FSIP1: variants seen among roughly 807,000 people sequenced by gnomAD.
FSIP1 encodes the protein fibrous sheath interacting protein 1.
FSIP1 carries 65 observed loss-of-function variants against 60.9 expected under a neutral mutation model. That is an observed-to-expected ratio of 1.07 (90% CI 0.87 to 1.31). FSIP1 has a LOEUF of 1.31. FSIP1 is among the 40% of genes most tolerant of loss of function. The pLI is 0.00. For missense variants in FSIP1, 675 were observed against 665.5 expected, an observed-to-expected ratio of 1.01 and a Z score of -0.16; for synonymous variants, 209 against 221.2, an observed-to-expected ratio of 0.94 and a Z score of 0.49.
chr15:39,651,277 T>C (rs1031154903), intron 10 of FSIP1, among the ~76,000 whole-genome samples: 1 of 152,230 alleles, frequency 6.6e-6, no homozygotes, highest in African/African-American at 2.4e-5. Context: ...ATCACAATTC[T>C]AAGACTCTGG....
intron 10 of FSIP1, among the ~76,000 whole-genome samples, chr15:39,706,788 T>C (rs1312048309): frequency 6.6e-6 from 1 of 152,228 alleles, no homozygotes; most frequent in East Asian, 1.9e-4. Context: ...ATTTGGTATA[T>C]GTATATTGTT....
chr15:39,597,473 T>C (rs1219912143), downstream of FSIP1: 1 of 152,118 alleles, frequency 6.6e-6, no homozygotes, highest in African/African-American at 2.4e-5. Context: ...TTATACTTAC[T>C]GTATCCATGC....
chr15:39,712,811 T>A (rs928694630), intron 10 of FSIP1, among the ~76,000 whole-genome samples: 2 of 152,180 alleles, frequency 1.3e-5, no homozygotes, highest in Non-Finnish European at 2.9e-5. Context: ...TGTCTTTATG[T>A]TGAGCAAGAA....
Position 39,770,544 on chromosome 15 carries a change from T to G in FSIP1, c.193A>C (p.Arg65=), listed in dbSNP as rs1566921275. Residue 65 remains arginine (R), a synonymous_variant, in exon 3 of 12, where the codon AGA becomes CGA. Coordinates refer to ENST00000350221, the MANE Select transcript of FSIP1 (RefSeq NM_152597.5). Reference sequence around the variant, plus strand: ...TGCTTATCATCATTACTAGTTCTTCTGTTCTCTGTATTACTGCTTTCGGAG... The same window carrying G: ...TGCTTATCATCATTACTAGTTCTTCGGTTCTCTGTATTACTGCTTTCGGAG... ...DHSESSNTEN[R]RTSNDDKQES... 1 of 1,611,040 alleles carries G rather than the reference T, an allele frequency of 6.2e-7. No homozygotes were observed. Among genetic ancestry groups the G allele is most frequent in the Admixed American group, 1.7e-5 (1 of 58,786 alleles).
chr15:39,613,362 T>G (rs745998315), intron 11 of FSIP1, among the ~76,000 whole-genome samples: 8 of 152,134 alleles, frequency 5.3e-5, no homozygotes, highest in Non-Finnish European at 8.8e-5. Flanking sequence ...AACCTAGATG[T>G]GAACAGATTC....
chr15:39,612,135 C>T lies in FSIP1; in HGVS notation c.1699+5600G>A, dbSNP rs115054126. Among the ~76,000 whole-genome samples the T allele has an allele frequency of 2.3e-3, 351 of 152,266 alleles. 2 individuals carry two copies. The highest frequency in any genetic ancestry group is 8.0e-3 in the African/African-American group (333 of 41,548). ...AGAAAATCAATAAGAAAACATTGGA[C>T]TTGAATTACACTTTAAATCAAATGG... is the stretch of plus-strand genomic sequence containing the variant. On this transcript the variant is annotated intron_variant, in intron 11 of 11. Coordinates refer to ENST00000350221, the MANE Select transcript of FSIP1 (RefSeq NM_152597.5).
At chr15:39,758,927 ATG>A (rs1402842767) in intron 5 of FSIP1, among the ~76,000 whole-genome samples, 12 of 152,138 alleles carry the variant, frequency 7.9e-5, no homozygotes, top group African/African-American at 2.9e-4. Flanking sequence ...AAGTGGGGAA[ATG>A]ACAGATTATC....
At chr15:39,697,554 C>T (rs1894870339) in intron 10 of FSIP1, among the ~76,000 whole-genome samples, 1 of 152,208 alleles carries the variant, frequency 6.6e-6, no homozygotes, top group African/African-American at 2.4e-5. Flanking sequence ...TCAAGCTCAG[C>T]AGCATATAAG....
chr15:39,771,962 G>A (rs555794938), intron 2 of FSIP1, among the ~76,000 whole-genome samples: 43 of 152,262 alleles, frequency 2.8e-4, no homozygotes, highest in South Asian at 1.2e-3. Context: ...CTTCCTCTGC[G>A]GCTGGGTTTC....
intron 11 of FSIP1, among the ~76,000 whole-genome samples, chr15:39,603,909 G>C (rs1017599775): frequency 1.3e-5 from 2 of 152,182 alleles, no homozygotes; most frequent in African/African-American, 4.8e-5. Flanking sequence ...TAAAATTCAG[G>C]CTCTGATTCA....
At chr15:39,661,531 T>C (rs898036558) in intron 10 of FSIP1, among the ~76,000 whole-genome samples, 2 of 152,202 alleles carry the variant, frequency 1.3e-5, no homozygotes, top group African/African-American at 2.4e-5. Flanking sequence ...TAGAAAATAA[T>C]TCCAAATGGA....
At position 39,770,433 on chromosome 15, in the gene FSIP1, A is replaced by T. The variant is rs983894323; in HGVS notation, c.304T>A (p.Cys102Ser). 2 of 1,588,778 alleles carry T rather than the reference A, an allele frequency of 1.3e-6. No individual in the cohort carries two copies. Among genetic ancestry groups the T allele is most frequent in the Admixed American group, 3.8e-5 (2 of 53,228 alleles). Reference sequence around the variant, plus strand: ...CACCTAGTGATTATCCTACCTGAACACTCAGAGATTATCTGATGTTGAACC... The same window carrying T: ...CACCTAGTGATTATCCTACCTGAACTCTCAGAGATTATCTGATGTTGAACC... ...DLVQHQIISE[C>S]SDEPKLKELD... The change falls in exon 3 of 12, where the codon TGT becomes AGT. Residue 102 changes from cysteine to serine, a missense_variant. Transcript: ENST00000350221.
chr15:39,740,228 A>G (rs1241265435), intron 6 of FSIP1, among the ~76,000 whole-genome samples: 2 of 152,194 alleles, frequency 1.3e-5, no homozygotes, highest in East Asian at 1.9e-4. Flanking sequence ...CTTTCTGAAC[A>G]GTGCATTTTG....
intron 8 of FSIP1, among the ~76,000 whole-genome samples, chr15:39,735,804 T>C (rs1896585914): frequency 6.6e-6 from 1 of 152,156 alleles, no homozygotes. Context: ...CTTTTTCCTA[T>C]TTTAAAATTT....
intron 11 of FSIP1, among the ~76,000 whole-genome samples, chr15:39,606,630 AT>A (rs1240872674): frequency 2.6e-5 from 4 of 152,006 alleles, no homozygotes; most frequent in South Asian, 4.2e-4. Context: ...AACTTATACA[AT>A]TTTTCAAGAA....
chr15:39,758,248 T>C (rs1897364813), intron 5 of FSIP1, among the ~76,000 whole-genome samples: 1 of 152,104 alleles, frequency 6.6e-6, no homozygotes, highest in Non-Finnish European at 1.5e-5. Context: ...AAAACAAATG[T>C]CTTGCCTTCC....
intron 10 of FSIP1, among the ~76,000 whole-genome samples, chr15:39,654,305 C>T (rs1215962588): frequency 6.6e-6 from 1 of 152,156 alleles, no homozygotes; most frequent in Admixed American, 6.5e-5. Context: ...AATGACAGCA[C>T]AGTAGGTTTG....
intron 5 of FSIP1, among the ~76,000 whole-genome samples, chr15:39,758,993 C>T (rs1026510579): frequency 6.6e-6 from 1 of 151,948 alleles, no homozygotes; most frequent in African/African-American, 2.4e-5. Flanking sequence ...AAAACAAAAT[C>T]AACTCTCTAA....
chr15:39,705,318 A>G (rs1436384544), intron 10 of FSIP1, among the ~76,000 whole-genome samples: 1 of 152,134 alleles, frequency 6.6e-6, no homozygotes, highest in Non-Finnish European at 1.5e-5. Context: ...AATGTTCTTT[A>G]TTTTTTAAAA....
Sources: allele counts gnomAD v4.1 joint callset (sites outside exome capture counted in the v4.1 genomes callset), GRCh38; gene constraint gnomAD v4.1.1; transcripts MANE v1.5; gene names NCBI Gene and HGNC (gene_info 2026-07-23, HGNC 2026-07-21).